Variants in MYO18B observed in about 807,000 individuals in gnomAD.
MYO18B encodes myosin XVIIIB, also known as unconventional myosin-XVIIIb.
Under a neutral mutation model 273.0 loss-of-function variants are expected in MYO18B, and 204 were observed. That is an observed-to-expected ratio of 0.75 (90% CI 0.67 to 0.84). The LOEUF is 0.84. MYO18B is among the 40% of genes least tolerant of loss of function. The pLI is 0.00. For missense variants in MYO18B, 3,212 were observed against 3,287.6 expected (o/e 0.98, Z 0.56); for synonymous variants, 1,330 against 1,305.7 (o/e 1.02, Z -0.40).
Position 25,768,176 on chromosome 22 carries a change from G to A in MYO18B, c.260G>A (p.Ser87Asn), listed in dbSNP as rs2086573554. Reference protein sequence around the residue: ...SKSSSGTRSGSQQISQDDQSS... With the variant: ...SKSSSGTRSGNQQISQDDQSS... Reference sequence around the variant, plus strand: ...TCCAGCAGTGGCACCAGATCTGGAAGCCAGCAGATCTCTCAGGACGACCAG... The same window carrying A: ...TCCAGCAGTGGCACCAGATCTGGAAACCAGCAGATCTCTCAGGACGACCAG... The change falls in exon 4 of 44, where the codon AGC becomes AAC. Residue 87 changes from serine (S) to asparagine (N), a missense_variant. Transcript: ENST00000335473. The A allele has an allele frequency of 1.2e-6, 2 of 1,613,128 alleles. No homozygotes were observed. Among genetic ancestry groups the A allele is most frequent in the East Asian group, 2.2e-5 (1 of 44,860 alleles).
intron 14 of MYO18B, 120 bp downstream of exon 14, chr22:25,826,619 A>G (rs2089502157): frequency 1.2e-6 from 1 of 852,816 alleles, no homozygotes; most frequent in Non-Finnish European, 1.9e-6. Context: ...TCTAAGGTGG[A>G]CAGTGCTGGG....
intron 25 of MYO18B, among the ~76,000 whole-genome samples, chr22:25,884,094 C>A (rs945736087): frequency 6.6e-6 from 1 of 152,208 alleles, no homozygotes; most frequent in African/African-American, 2.4e-5. Flanking sequence ...ATGCACTCCT[C>A]ATTTCTGGCC....
Position 25,843,871 on chromosome 22 carries a change from C to G in MYO18B, c.3345C>G (p.Pro1115=). The G allele has an allele frequency of 6.2e-7, 1 of 1,610,974 alleles. No individual in the cohort carries two copies. The highest frequency in any genetic ancestry group is 8.5e-7 in the Non-Finnish European group (1 of 1,177,510). The change falls in exon 18 of 44, where the codon CCC becomes CCG. Residue 1115 remains proline (P), a synonymous_variant. Coordinates refer to ENST00000335473, the MANE Select transcript of MYO18B (RefSeq NM_032608.7). ...AKPNLSALDA[P]QVLHQSKREE... ...CCAACCTCTCGGCCCTGGATGCACC[C>G]CAGGTCCTGCACCAGTCAAAAAGGT...
At chr22:26,003,756 G>A (rs2146914235) in intron 41 of MYO18B, among the ~76,000 whole-genome samples, 1 of 152,210 alleles carries the variant, frequency 6.6e-6, no homozygotes, top group South Asian at 2.1e-4. Context: ...CTTCAAAGAA[G>A]ATGTAGCTCA....
At chr22:26,059,433 C>T in the MYO18B span, among the ~76,000 whole-genome samples, 1 of 152,286 alleles carries the variant, frequency 6.6e-6, no homozygotes, top group South Asian at 2.1e-4. Context: ...ATAAGCATTT[C>T]CACTTTGGAA....
intron 39 of MYO18B, among the ~76,000 whole-genome samples, chr22:25,985,394 A>G (rs2093190882): frequency 6.6e-6 from 1 of 152,166 alleles, no homozygotes; most frequent in African/African-American, 2.4e-5. Context: ...AAAGAAAAAA[A>G]TAGAATAATG....
In MYO18B at chr22:25,777,562, A is replaced by G. The variant is rs145494922; in HGVS notation, c.1870-21A>G. On this transcript the variant is annotated intron_variant, in intron 7 of 43. Transcript: ENST00000335473. ...AGGCAGTGGCTGGATGGGATGGCTG[A>G]TACCTGTGATCTTCCTGCAGGTGCC... is the stretch of plus-strand genomic sequence containing the variant. 2.5e-4 allele frequency: 399 copies of G among 1,565,688 alleles called. 1 individual carries two copies. In the African/African-American group the frequency reaches 5.1e-3, roughly 20 times the overall value.
Position 25,955,218 on chromosome 22 carries a change from G to C in MYO18B, c.6010G>C (p.Gly2004Arg). 2 of 1,613,078 alleles carry C rather than the reference G, an allele frequency of 1.2e-6. No homozygotes were observed. The highest frequency in any genetic ancestry group is 1.7e-6 in the Non-Finnish European group (2 of 1,179,622). Residue 2004 changes from glycine (G) to arginine (R), a missense_variant, in exon 39 of 44, where the codon GGG becomes CGG. Coordinates refer to ENST00000335473, the MANE Select transcript of MYO18B (RefSeq NM_032608.7). ...GCTTCGGGACAGCCTGATCAAGATGGGGGAGGAGCTTTCACAGGCGGCCAC... is the reference window on the plus strand; with the variant it reads ...GCTTCGGGACAGCCTGATCAAGATGCGGGAGGAGCTTTCACAGGCGGCCAC... ...IRLRDSLIKM[G>R]EELSQAATSE... is the part of the protein sequence containing the mutation.
intron 21 of MYO18B, among the ~76,000 whole-genome samples, chr22:25,858,571 A>G (rs1473113129): frequency 2.0e-5 from 3 of 152,196 alleles, no homozygotes; most frequent in African/African-American, 7.2e-5. Context: ...TTTCGGGTAC[A>G]CTCTTCTTGA....
At chr22:26,053,959 G>A in the MYO18B span, among the ~76,000 whole-genome samples, 1 of 152,290 alleles carries the variant, frequency 6.6e-6, no homozygotes, top group Admixed American at 6.5e-5. Context: ...GGAGAACTGG[G>A]AGGGGTTGGG....
At chr22:25,864,356 G>T (rs1052376851) in intron 21 of MYO18B, among the ~76,000 whole-genome samples, 1 of 152,054 alleles carries the variant, frequency 6.6e-6, no homozygotes, top group South Asian at 2.1e-4. Context: ...ATCTTGTTTT[G>T]GGGGGAGGGG....
chr22:25,800,724 C>T (rs536638972), intron 12 of MYO18B, among the ~76,000 whole-genome samples: 1 of 152,240 alleles, frequency 6.6e-6, no homozygotes, highest in African/African-American at 2.4e-5. Flanking sequence ...GCTTATTAGC[C>T]TGTCACCAGG....
chr22:25,818,323 C>G (rs1398142428), intron 12 of MYO18B, among the ~76,000 whole-genome samples: 1 of 152,162 alleles, frequency 6.6e-6, no homozygotes, highest in Non-Finnish European at 1.5e-5. Context: ...ATCCCATCTT[C>G]CCTTGCTGTG....
the MYO18B span, among the ~76,000 whole-genome samples, chr22:26,058,572 A>G: frequency 2.0e-5 from 3 of 152,212 alleles, no homozygotes; most frequent in Non-Finnish European, 4.4e-5. Context: ...GTGGGGCCCA[A>G]TGGGAAGTGT....
intron 18 of MYO18B, among the ~76,000 whole-genome samples, chr22:25,845,342 C>G (rs1227648554): frequency 1.3e-5 from 2 of 152,192 alleles, no homozygotes; most frequent in South Asian, 4.1e-4. Flanking sequence ...CATGGTGAAA[C>G]CCTGTCTCTA....
intron 36 of MYO18B, among the ~76,000 whole-genome samples, chr22:25,948,983 G>A (rs1057396201): frequency 6.6e-5 from 10 of 152,254 alleles, no homozygotes; most frequent in African/African-American, 2.2e-4. Context: ...CAAAGGGCCT[G>A]TGATGGTGCA....
intron 40 of MYO18B, among the ~76,000 whole-genome samples, chr22:25,995,094 A>G (rs1340772673): frequency 1.3e-5 from 2 of 152,236 alleles, no homozygotes. Flanking sequence ...ACGATAGAGT[A>G]CTATTCAGCC....
Position 25,966,061 on chromosome 22 carries a change from A to G in MYO18B, c.6156+10697A>G, listed in dbSNP as rs1043485537. ...TCATGTATAAAATAGATGCAATCACATCTCCTGGAAAAGACTAAAACAAGT... is the reference window on the plus strand; with the variant it reads ...TCATGTATAAAATAGATGCAATCACGTCTCCTGGAAAAGACTAAAACAAGT... On this transcript the variant is annotated intron_variant, in intron 39 of 43. Transcript: ENST00000335473. Among the ~76,000 whole-genome samples, 9 of 152,282 alleles carry G rather than the reference A, an allele frequency of 5.9e-5. No individual in the cohort carries two copies. In the South Asian group the frequency reaches 1.9e-3, roughly 32 times the overall value.
At chr22:26,019,092 T>C (rs1163391472) in intron 42 of MYO18B, among the ~76,000 whole-genome samples, 2 of 152,134 alleles carry the variant, frequency 1.3e-5, no homozygotes, top group African/African-American at 4.8e-5. Context: ...TTCTCCATGG[T>C]TTTTTTCCAG....
Sources: gnomAD v4.1 joint callset for allele counts (sites outside exome capture counted in the v4.1 genomes callset) on GRCh38, gnomAD v4.1.1 for gene constraint, MANE v1.5 for transcripts, NCBI Gene and HGNC (gene_info 2026-07-23, HGNC 2026-07-21) for gene names.